APMAP: variants seen among roughly 807,000 people sequenced by gnomAD.
The protein encoded by APMAP is adipocyte plasma membrane associated protein.
In APMAP, 33 loss-of-function variants were observed where a neutral mutation model predicts 43.6. The observed-to-expected ratio is 0.76, with a 90% CI of 0.57 to 1.01. The LOEUF (loss-of-function observed/expected upper bound fraction) is 1.01, where lower values mean the gene tolerates loss of function less well. APMAP is among the 50% of genes least tolerant of loss of function. APMAP has a pLI of 0.00. For synonymous variants in APMAP, 224 were observed against 216.7 expected (o/e 1.03, Z -0.30); for missense variants, 498 against 540.7 (o/e 0.92, Z 0.78).
intron 1 of APMAP, among the ~76,000 whole-genome samples, chr20:24,984,731 G>A (rs1238045017): frequency 6.6e-6 from 1 of 152,172 alleles, no homozygotes; most frequent in African/African-American, 2.4e-5. Flanking sequence ...TGAAGTTTTT[G>A]GACAAATGAC....
chr20:24,986,724 C>G (rs1214659220), intron 1 of APMAP, among the ~76,000 whole-genome samples: 20 of 152,178 alleles, frequency 1.3e-4, no homozygotes. Flanking sequence ...TATCTCTCTC[C>G]TTCACAAATG....
chr20:24,980,788 C>T (rs1231065887), intron 2 of APMAP, among the ~76,000 whole-genome samples: 1 of 151,702 alleles, frequency 6.6e-6, no homozygotes, highest in African/African-American at 2.4e-5. Context: ...CACTTCTACA[C>T]ACCGGGCAGT....
chr20:24,969,187 A>C, intron 7 of APMAP, 103 bp from the exon 8 acceptor site: 5 of 1,176,158 alleles, frequency 4.3e-6, no homozygotes, highest in Non-Finnish European at 5.9e-6. Flanking sequence ...ATATATATGG[A>C]AAGTGCTCTA....
rs893668849 is a variant in APMAP, at chr20:24,992,446, T to C, written c.95+148A>G. 4 of 615,080 alleles carry C rather than the reference T, an allele frequency of 6.5e-6. No individual in the cohort carries two copies. In the East Asian group the frequency reaches 1.0e-4, roughly 16 times the overall value. The allele number at this position is 615,080 out of a possible 1,614,324, so 38.1% of individuals were successfully genotyped here. ...AGCCTGCTTCCTCGGAAAAATGAGTTTTTCTTGGGGATGAAACGAGAGGAC... is the reference window on the plus strand; with the variant it reads ...AGCCTGCTTCCTCGGAAAAATGAGTCTTTCTTGGGGATGAAACGAGAGGAC... On this transcript the variant is annotated intron_variant, in intron 1 of 8. Coordinates refer to ENST00000217456, the MANE Select transcript of APMAP (RefSeq NM_020531.3).
intron 1 of APMAP, among the ~76,000 whole-genome samples, chr20:24,986,625 G>GT (rs1274111877): frequency 3.3e-5 from 5 of 152,226 alleles, no homozygotes; most frequent in African/African-American, 1.2e-4. Context: ...AGGGAAAGGA[G>GT]TAAGGGCCAG....
chr20:24,978,464 A>G (rs1351868437), intron 3 of APMAP, among the ~76,000 whole-genome samples: 1 of 152,256 alleles, frequency 6.6e-6, no homozygotes, highest in Non-Finnish European at 1.5e-5. Flanking sequence ...ACTAAAAATC[A>G]GTATCTGTAT....
intron 4 of APMAP, among the ~76,000 whole-genome samples, chr20:24,972,588 TA>T (rs2088015004): frequency 1.3e-5 from 2 of 151,636 alleles, no homozygotes; most frequent in African/African-American, 4.9e-5. Context: ...TACAGGTGCT[TA>T]TTGCAGGGTG....
intron 1 of APMAP, among the ~76,000 whole-genome samples, chr20:24,991,422 G>C (rs932766716): frequency 6.6e-6 from 1 of 152,230 alleles, no homozygotes; most frequent in South Asian, 2.1e-4. Context: ...ACGCAGGATG[G>C]TTGGTCAGGA....
intron 1 of APMAP, among the ~76,000 whole-genome samples, chr20:24,991,438 G>C (rs879699455): frequency 6.6e-6 from 1 of 152,174 alleles, no homozygotes; most frequent in Non-Finnish European, 1.5e-5. Flanking sequence ...CAGGATATAT[G>C]GGAGCATCTT....
chr20:24,983,898 C>T lies in APMAP; in HGVS notation c.212+5G>A. Reference sequence around the variant, plus strand: ...ACCCCTCCTGAGGACTGCGGGGCAGCCTACCTGAGAGGCTGTGGATCTATA... The same window carrying T: ...ACCCCTCCTGAGGACTGCGGGGCAGTCTACCTGAGAGGCTGTGGATCTATA... On this transcript the variant is annotated splice_donor_5th_base_variant and intron_variant, in intron 2 of 8. Coordinates refer to ENST00000217456, the MANE Select transcript of APMAP (RefSeq NM_020531.3). The T allele has an allele frequency of 6.3e-7, 1 of 1,596,762 alleles. No individual in the cohort carries two copies. Among genetic ancestry groups the T allele is most frequent in the Non-Finnish European group, 8.6e-7 (1 of 1,165,538 alleles).
chr20:24,990,124 G>A (rs1038727266), intron 1 of APMAP, among the ~76,000 whole-genome samples: 1 of 152,044 alleles, frequency 6.6e-6, no homozygotes, highest in Non-Finnish European at 1.5e-5. Flanking sequence ...AAAGCATTTC[G>A]GGAAATCAAT....
rs764683989 is a variant in APMAP at position 24,964,022 on chromosome 20, G to C, written c.1042C>G (p.Leu348Val). ...TTCATCACCGTCTCTTGACTAAAGA[G>C]CTAGAGGGAAGCACAGTGCAGGGAA... ...RPWIKRMIFKLFSQETVMKFV... is the reference protein window; with the variant it reads ...RPWIKRMIFKVFSQETVMKFV... Residue 348 changes from leucine to valine, a missense_variant and splice_region_variant, in exon 9 of 9, where the codon CTC (leucine) becomes GTC (valine). By Grantham distance (32) the Leu-to-Val change is conservative. Coordinates refer to ENST00000217456, the MANE Select transcript of APMAP (RefSeq NM_020531.3). 8 of 1,614,064 alleles carry C rather than the reference G, an allele frequency of 5.0e-6. No homozygotes were observed. The highest frequency in any genetic ancestry group is 6.8e-6 in the Non-Finnish European group (8 of 1,180,034).
chr20:24,972,034 G>T (rs1184640943), intron 4 of APMAP, among the ~76,000 whole-genome samples: 1 of 123,998 alleles, frequency 8.1e-6, no homozygotes. Flanking sequence ...CAGGGTGTTT[G>T]TGTAGAGTGC....
chr20:24,992,330 T>C (rs1474094615), intron 1 of APMAP, among the ~76,000 whole-genome samples: 2 of 152,066 alleles, frequency 1.3e-5, no homozygotes, highest in African/African-American at 4.8e-5. Flanking sequence ...CGCGAGGCGG[T>C]CTCGGGTCCG....
At chr20:24,990,414 C>A (rs1325189616) in intron 1 of APMAP, among the ~76,000 whole-genome samples, 1 of 152,208 alleles carries the variant, frequency 6.6e-6, no homozygotes, top group African/African-American at 2.4e-5. Flanking sequence ...ACATAGACCT[C>A]AATGATCTCA....
chr20:24,979,985 G>A (rs573600770), intron 2 of APMAP, among the ~76,000 whole-genome samples: 5 of 152,158 alleles, frequency 3.3e-5, no homozygotes, highest in Admixed American at 6.5e-5. Context: ...TACCTCCCCC[G>A]AACCCAGGCC....
In APMAP at chr20:24,968,955, G is replaced by A. The variant is rs1568811106; in HGVS notation, c.978C>T (p.Asn326=). The stretch of plus-strand genomic sequence containing the variant: ...AGAAATCCAGCATGGAAAACCCAGG[G>A]TTAGGGCGGATGGTCGACATGCCCA... The part of the protein sequence containing the change: ...YWVGMSTIRP[N]PGFSMLDFLS... The change falls in exon 8 of 9, where the codon AAC becomes AAT. Residue 326 remains asparagine, a synonymous_variant. Transcript: ENST00000217456. 1.2e-6 allele frequency: 2 copies of A among 1,613,848 alleles called. No homozygotes were observed. Among genetic ancestry groups the A allele is most frequent in the Non-Finnish European group, 1.7e-6 (2 of 1,179,936 alleles).
chr20:24,968,507 G>T (rs566213938), intron 8 of APMAP, among the ~76,000 whole-genome samples: 1 of 152,192 alleles, frequency 6.6e-6, no homozygotes, highest in African/African-American at 2.4e-5. Flanking sequence ...AGGCAGAGAG[G>T]GGGGTGGAGA....
At chr20:24,964,365 C>T (rs759396190) in intron 8 of APMAP, 5 of 515,300 alleles carry the variant, frequency 9.7e-6, no homozygotes, top group Non-Finnish European at 2.0e-5. Context: ...TCAGAATGAC[C>T]TCCACTCACC....
Sources: allele counts gnomAD v4.1 joint callset (sites outside exome capture counted in the v4.1 genomes callset), GRCh38; gene constraint gnomAD v4.1.1; transcripts MANE v1.5; gene names NCBI Gene and HGNC (gene_info 2026-07-23, HGNC 2026-07-21).